TRMT11: variants seen among roughly 807,000 people sequenced by gnomAD.
The protein encoded by TRMT11 is tRNA methyltransferase 11.
In TRMT11, 53 loss-of-function variants were observed where a neutral mutation model predicts 62.8. The ratio of observed to expected loss-of-function variants is 0.84; its 90% CI spans 0.68 to 1.06. The LOEUF is 1.06. TRMT11 is among the 50% of genes least tolerant of loss of function. The probability of loss-of-function intolerance (pLI) is 0.00; values close to 1 mark genes in which losing one functional copy is unlikely to be tolerated. For synonymous variants in TRMT11, 188 were observed against 190.3 expected (o/e 0.99, Z 0.10); for missense variants, 556 against 553.4 (o/e 1.00, Z -0.05).
chr6:126,039,462 A>G (rs763231126), downstream of TRMT11, among the ~76,000 whole-genome samples: 1 of 152,032 alleles, frequency 6.6e-6, no homozygotes, highest in African/African-American at 2.4e-5. Context: ...TGTACCTTGG[A>G]TTTGCTCCTG....
intron 7 of TRMT11, among the ~76,000 whole-genome samples, chr6:126,002,558 C>A (rs1348568715): frequency 6.6e-6 from 1 of 152,072 alleles, no homozygotes; most frequent in African/African-American, 2.4e-5. Flanking sequence ...AATACTGTGC[C>A]TGCTTTTTCC....
the TRMT11 span, among the ~76,000 whole-genome samples, chr6:126,238,928 T>C: frequency 2.0e-5 from 3 of 152,102 alleles, no homozygotes; most frequent in Admixed American, 1.3e-4. Context: ...GGATAGTTAG[T>C]TCTTCTTGTT....
At chr6:126,251,447 T>C in the TRMT11 span, among the ~76,000 whole-genome samples, 2 of 152,208 alleles carry the variant, frequency 1.3e-5, no homozygotes, top group Non-Finnish European at 1.5e-5. Context: ...ATACTCCTTA[T>C]GTCATATACT....
chr6:126,252,108 G>A, the TRMT11 span, among the ~76,000 whole-genome samples: 1 of 152,220 alleles, frequency 6.6e-6, no homozygotes, highest in African/African-American at 2.4e-5. Flanking sequence ...CAGATTCTGA[G>A]GCTCAAGAAT....
intron 17 of TRMT11, among the ~76,000 whole-genome samples, chr6:126,093,625 A>G (rs1255880021): frequency 9.7e-6 from 1 of 103,520 alleles, no homozygotes; most frequent in Non-Finnish European, 1.8e-5. Context: ...ATATATATAT[A>G]TATATATTTT....
chr6:125,991,369 G>A (rs2128737165), intron 1 of TRMT11, among the ~76,000 whole-genome samples: 1 of 152,140 alleles, frequency 6.6e-6, no homozygotes, highest in South Asian at 2.1e-4. Context: ...TCCCACCTTA[G>A]CTTCCTGAGT....
At chr6:126,193,481 C>G in intron 1 of TRMT11, among the ~76,000 whole-genome samples, 1 of 138,456 alleles carries the variant, frequency 7.2e-6, no homozygotes, top group Admixed American at 7.1e-5. Context: ...TTAAGAGGAG[C>G]GTTTCTGTAT....
chr6:126,121,176 C>T (rs1456408034), intron 21 of TRMT11, among the ~76,000 whole-genome samples: 1 of 152,090 alleles, frequency 6.6e-6, no homozygotes, highest in Non-Finnish European at 1.5e-5. Context: ...CTGTGCCTTA[C>T]TCAACTTTGT....
At chr6:126,003,035 C>T (rs778389544) in intron 7 of TRMT11, among the ~76,000 whole-genome samples, 2 of 151,982 alleles carry the variant, frequency 1.3e-5, no homozygotes, top group Non-Finnish European at 2.9e-5. Flanking sequence ...AGTGTATGTA[C>T]CGTAATTTAT....
In TRMT11 at chr6:126,193,488, G is replaced by GTTTTTTTT. The variant is rs1778627491; in HGVS notation, n.144-5310_144-5309insTTTTTTTT. 2.1e-4 allele frequency among the ~76,000 whole-genome samples: 25 copies of GTTTTTTTT among 118,126 alleles called. 2 individuals are homozygous for GTTTTTTTT. Among genetic ancestry groups the GTTTTTTTT allele is most frequent in the African/African-American group, 8.6e-4 (23 of 26,894 alleles). 77.5% of individuals were successfully genotyped at this position (118,126 alleles called of 152,430 possible). On this transcript the variant is annotated intron_variant and non_coding_transcript_variant, in intron 1 of 3. Transcript: ENST00000444229. ...TAGGTTATTTAAGAGGAGCGTTTCT[G>GTTTTTTTT]TATTTTTTTTTTTTTTTTTTTTTTT...
chr6:126,222,978 G>A, the TRMT11 span, among the ~76,000 whole-genome samples: 4 of 152,144 alleles, frequency 2.6e-5, no homozygotes, highest in Non-Finnish European at 5.9e-5. Context: ...TTGTTTCCAT[G>A]CGTAGCACTC....
At chr6:126,052,229 T>G (rs929810457) in intron 16 of TRMT11, among the ~76,000 whole-genome samples, 2 of 152,062 alleles carry the variant, frequency 1.3e-5, no homozygotes, top group East Asian at 3.9e-4. Context: ...CATTGTAGAG[T>G]TAGGATGTAA....
chr6:126,098,894 T>G, intron 17 of TRMT11, among the ~76,000 whole-genome samples: 1 of 152,152 alleles, frequency 6.6e-6, no homozygotes, highest in East Asian at 1.9e-4. Context: ...AAATTATGGG[T>G]TTAAGCTACT....
At chr6:126,260,912 T>G in the TRMT11 span, among the ~76,000 whole-genome samples, 2 of 152,208 alleles carry the variant, frequency 1.3e-5, no homozygotes, top group Non-Finnish European at 2.9e-5. Flanking sequence ...GAGGATTTTT[T>G]GGAAGTTGAA....
At chr6:126,153,388 A>G (rs1778080925) in intron 21 of TRMT11, among the ~76,000 whole-genome samples, 1 of 152,236 alleles carries the variant, frequency 6.6e-6, no homozygotes, top group South Asian at 2.1e-4. Context: ...ACATTGAAGT[A>G]AACTGAAAAC....
chr6:126,143,099 A>C, intron 21 of TRMT11, among the ~76,000 whole-genome samples: 1 of 152,122 alleles, frequency 6.6e-6, no homozygotes, highest in East Asian at 1.9e-4. Context: ...AAAGTTCTTA[A>C]TATTTTAACA....
At chr6:126,176,725 T>G (rs898068885), upstream of TRMT11, among the ~76,000 whole-genome samples, 1 of 152,190 alleles carries the variant, frequency 6.6e-6, no homozygotes, top group Admixed American at 6.5e-5. Context: ...GGGTAGTTTA[T>G]TTTCACAAAT....
At position 126,092,902 on chromosome 6, in the gene TRMT11, T is replaced by C. The variant is rs1002070783; in HGVS notation, c.*1438-19964T>C. 2.5e-4 allele frequency among the ~76,000 whole-genome samples: 38 copies of C among 152,234 alleles called. 1 individual carries two copies. The highest frequency in any genetic ancestry group is 5.0e-4 in the Non-Finnish European group (34 of 68,046). On this transcript the variant is annotated intron_variant and NMD_transcript_variant, in intron 17 of 22. Transcript: ENST00000648977. ...TGACTCAGAAAGTGAGTTCTGCTTA[T>C]CTTGATGGAGACAAATGACACAGTT...
At chr6:126,105,293 A>C (rs1366633079) in intron 17 of TRMT11, among the ~76,000 whole-genome samples, 2 of 152,172 alleles carry the variant, frequency 1.3e-5, no homozygotes, top group Non-Finnish European at 2.9e-5. Flanking sequence ...CCTCCCAGCA[A>C]GAGACGGGGT....
Sources: allele counts gnomAD v4.1 joint callset (sites outside exome capture counted in the v4.1 genomes callset), GRCh38; gene constraint gnomAD v4.1.1; transcripts MANE v1.5; gene names NCBI Gene and HGNC (gene_info 2026-07-23, HGNC 2026-07-21).